The following NEGR1 variants were observed in gnomAD, a reference collection of about 807,000 sequenced individuals.
The protein encoded by NEGR1 is neuronal growth regulator 1.
A neutral mutation model predicts 40.9 loss-of-function variants in NEGR1; 10 were observed. The observed-to-expected ratio is 0.24, with a 90% CI of 0.15 to 0.42. The LOEUF (loss-of-function observed/expected upper bound fraction) is 0.42. Among genes scored for constraint, NEGR1 ranks in the 10% least tolerant of loss-of-function variants. The pLI is 1.00. For missense variants in NEGR1, 352 were observed against 438.9 expected (o/e 0.80, Z 1.77); for synonymous variants, 185 against 166.8 (o/e 1.11, Z -0.84).
intron 2 of NEGR1, among the ~76,000 whole-genome samples, chr1:71,846,211 C>T (rs1397806349): frequency 1.3e-5 from 2 of 152,058 alleles, no homozygotes; most frequent in African/African-American, 4.8e-5. Context: ...AGTTTCCCCC[C>T]CAACCTAATA....
intron 1 of NEGR1, among the ~76,000 whole-genome samples, chr1:71,938,299 T>C (rs142643655): frequency 2.1e-4 from 32 of 151,882 alleles, no homozygotes; most frequent in Admixed American, 2.1e-3. Flanking sequence ...TATGAAATCA[T>C]ATAGAGAATA....
chr1:71,733,506 T>C (rs1013037837), intron 3 of NEGR1, among the ~76,000 whole-genome samples: 2 of 152,188 alleles, frequency 1.3e-5, no homozygotes, highest in African/African-American at 4.8e-5. Flanking sequence ...TTTGTTAAAA[T>C]TGTAAATGTC....
intron 6 of NEGR1, among the ~76,000 whole-genome samples, chr1:71,582,131 T>C (rs1407267809): frequency 6.6e-6 from 1 of 152,182 alleles, no homozygotes. Context: ...GGTATACAAT[T>C]GATTTTTTTA....
intron 6 of NEGR1, among the ~76,000 whole-genome samples, chr1:71,447,346 A>G (rs1007277995): frequency 6.6e-6 from 1 of 152,228 alleles, no homozygotes; most frequent in African/African-American, 2.4e-5. Context: ...AAGAACTGCT[A>G]CCAGAGAGAT....
At chr1:71,939,783 C>T (rs183960264) in intron 1 of NEGR1, among the ~76,000 whole-genome samples, 42 of 148,994 alleles carry the variant, frequency 2.8e-4, no homozygotes, top group African/African-American at 8.6e-4. Context: ...TCTACACTTC[C>T]GAAACCCTTT....
intron 1 of NEGR1, among the ~76,000 whole-genome samples, chr1:72,274,038 A>G (rs1182420791): frequency 6.7e-6 from 1 of 148,618 alleles, no homozygotes; most frequent in Non-Finnish European, 1.5e-5. Flanking sequence ...TTTATTTTGC[A>G]GTATAGAAAT....
At chr1:71,529,735 C>T (rs971014249) in intron 6 of NEGR1, among the ~76,000 whole-genome samples, 2 of 151,024 alleles carry the variant, frequency 1.3e-5, no homozygotes, top group African/African-American at 4.8e-5. Context: ...TCCAGCACAA[C>T]AATTACAATA....
intron 4 of NEGR1, among the ~76,000 whole-genome samples, chr1:71,639,696 A>T (rs1557596636): frequency 6.6e-6 from 1 of 152,066 alleles, no homozygotes; most frequent in Non-Finnish European, 1.5e-5. Context: ...GGCCCCAGGC[A>T]TTTGCGACCT....
At chr1:72,101,109 C>G (rs926318780) in intron 1 of NEGR1, among the ~76,000 whole-genome samples, 2 of 152,112 alleles carry the variant, frequency 1.3e-5, no homozygotes, top group Admixed American at 6.6e-5. Flanking sequence ...TCACAGGGGA[C>G]GTATTGCAGT....
At chr1:72,227,388 A>T (rs1654225678) in intron 1 of NEGR1, among the ~76,000 whole-genome samples, 1 of 152,056 alleles carries the variant, frequency 6.6e-6, no homozygotes, top group Non-Finnish European at 1.5e-5. Context: ...GTGGACTGAG[A>T]CAAAAGATGT....
intron 1 of NEGR1, among the ~76,000 whole-genome samples, chr1:72,156,016 T>C (rs74631797): frequency 9.2e-4 from 140 of 152,262 alleles, no homozygotes; most frequent in African/African-American, 3.1e-3. Context: ...CTTTTGATAC[T>C]TCAACAGTTT....
intron 1 of NEGR1, among the ~76,000 whole-genome samples, chr1:72,232,078 G>A (rs766038848): frequency 2.0e-5 from 3 of 151,960 alleles, no homozygotes; most frequent in Admixed American, 1.3e-4. Context: ...CTTTGGGGCC[G>A]GGCACAGTAG....
chr1:71,794,233 T>G (rs1395270907), intron 2 of NEGR1: 1 of 152,156 alleles, frequency 6.6e-6, no homozygotes, highest in Non-Finnish European at 1.5e-5. Context: ...GTGATACAAT[T>G]ACATTAAATT....
intron 1 of NEGR1, among the ~76,000 whole-genome samples, chr1:72,280,428 C>T (rs771102924): frequency 2.0e-5 from 3 of 152,170 alleles, no homozygotes; most frequent in Non-Finnish European, 4.4e-5. Flanking sequence ...TACAAAAATA[C>T]ATATTGCAGC....
At chr1:71,936,724 A>G (rs1469919968) in intron 1 of NEGR1, among the ~76,000 whole-genome samples, 2 of 152,212 alleles carry the variant, frequency 1.3e-5, no homozygotes, top group Non-Finnish European at 2.9e-5. Context: ...AAGCGTAATG[A>G]CAATTACTGG....
At chr1:72,178,170 T>C (rs1193888977) in intron 1 of NEGR1, among the ~76,000 whole-genome samples, 1 of 152,036 alleles carries the variant, frequency 6.6e-6, no homozygotes, top group Non-Finnish European at 1.5e-5. Context: ...GGGTTTATAC[T>C]CAAAGGAACA....
At chr1:72,204,268 T>C (rs1224818342) in intron 1 of NEGR1, among the ~76,000 whole-genome samples, 1 of 152,132 alleles carries the variant, frequency 6.6e-6, no homozygotes, top group African/African-American at 2.4e-5. Context: ...TAATCATCTT[T>C]AGATCTACTA....
At chr1:72,282,192 G>C in intron 1 of NEGR1, 127 bp downstream of exon 1, 1 of 1,116,532 alleles carries the variant, frequency 9.0e-7, no homozygotes, top group Non-Finnish European at 1.3e-6. Flanking sequence ...GGAATTCTTG[G>C]GATGTGGTCT....
intron 2 of NEGR1, among the ~76,000 whole-genome samples, chr1:71,908,147 G>A (rs1212973938): frequency 6.7e-6 from 1 of 150,336 alleles, no homozygotes; most frequent in Admixed American, 6.6e-5. Context: ...TACCTCATGA[G>A]TCTAAAATAA....
Sources: allele counts gnomAD v4.1 joint callset (sites outside exome capture counted in the v4.1 genomes callset), GRCh38; gene constraint gnomAD v4.1.1; transcripts MANE v1.5; gene names NCBI Gene and HGNC (gene_info 2026-07-23, HGNC 2026-07-21).